Variants in MLXIP observed in about 807,000 individuals in gnomAD.
MLXIP encodes the protein MLX-interacting protein.
MLXIP carries 30 observed loss-of-function variants against 87.2 expected under a neutral mutation model. The observed-to-expected ratio is 0.34, with a 90% CI of 0.26 to 0.47. The LOEUF is 0.47. MLXIP is among the 20% of genes least tolerant of loss of function. The probability of loss-of-function intolerance (pLI) is 1.00; values close to 1 mark genes in which losing one functional copy is unlikely to be tolerated. For missense variants in MLXIP, 1,002 were observed against 1,240.1 expected (o/e 0.81, Z 2.88); for synonymous variants, 530 against 514.0 (o/e 1.03, Z -0.42).
At chr12:122,079,809 C>T (rs756403524) in intron 1 of MLXIP, among the ~76,000 whole-genome samples, 1 of 152,220 alleles carries the variant, frequency 6.6e-6, no homozygotes, top group East Asian at 1.9e-4. Context: ...CAGTGCTTGG[C>T]CAGAGTTAGG....
Position 122,138,429 on chromosome 12 carries a change from T to C in MLXIP, c.2262T>C (p.Ser754=), listed in dbSNP as rs1953134248. 6.2e-7 allele frequency: 1 copy of C among 1,613,682 alleles called. No individual in the cohort carries two copies. Among genetic ancestry groups the C allele is most frequent in the South Asian group, 1.1e-5 (1 of 91,072 alleles). Residue 754 remains serine (S), a synonymous_variant, in exon 14 of 17, where the codon AGT becomes AGC. Coordinates refer to ENST00000319080, the MANE Select transcript of MLXIP (RefSeq NM_014938.6). Reference sequence around the variant, plus strand: ...GCCACCTGCCCCTTCTGCAGACCAGTCACGCCATCACACTGCAGAAGACTG... The same window carrying C: ...GCCACCTGCCCCTTCTGCAGACCAGCCACGCCATCACACTGCAGAAGACTG... ...SLISNNSKLT[S]HAITLQKTVE...
chr12:122,108,930 G>T (rs139397108), intron 1 of MLXIP, among the ~76,000 whole-genome samples: 61 of 152,294 alleles, frequency 4.0e-4, no homozygotes, highest in African/African-American at 1.4e-3. Flanking sequence ...TTGACTTTTA[G>T]TGACTAAACC....
chr12:122,098,317 A>G (rs1227795118), intron 1 of MLXIP, among the ~76,000 whole-genome samples: 2 of 152,178 alleles, frequency 1.3e-5, no homozygotes, highest in Non-Finnish European at 2.9e-5. Flanking sequence ...GCCCTGGGGC[A>G]GCAGCTTTTA....
chr12:122,140,087 G>A (rs549210754), intron 15 of MLXIP, among the ~76,000 whole-genome samples: 32 of 152,292 alleles, frequency 2.1e-4, no homozygotes, highest in Admixed American at 3.9e-4. Flanking sequence ...GCTGGGTGGC[G>A]TCTGGAATGA....
rs1166848965 is a variant in MLXIP at position 122,137,824 on chromosome 12, C to T, written c.2154+234C>T. Among the ~76,000 whole-genome samples the T allele has an allele frequency of 6.6e-5, 10 of 152,228 alleles. No homozygotes were observed. Among genetic ancestry groups the T allele is most frequent in the South Asian group, 2.1e-4 (1 of 4,836 alleles). The stretch of plus-strand genomic sequence containing the variant: ...AGCCTGGGAGCCAACGCTGAGTCCA[C>T]GTAGTGTGCAGGTACTGCTCAGGCT... On this transcript the variant is annotated intron_variant, in intron 12 of 16. Transcript: ENST00000319080. This position sits in a 1 kb window ranked among gnomAD's most constrained non-coding sequence, Gnocchi z 4.1.
At chr12:122,141,249 G>T (rs1215750022) in intron 16 of MLXIP, 166 bp downstream of exon 16, 1 of 552,898 alleles carries the variant, frequency 1.8e-6, no homozygotes, top group African/African-American at 2.0e-5. Flanking sequence ...GCCCAGTGGG[G>T]GCAGGAGGCT....
In MLXIP at chr12:122,133,656, C is replaced by T; in HGVS notation, c.1401C>T (p.Thr467=). 6.2e-7 allele frequency: 1 copy of T among 1,613,606 alleles called. No individual in the cohort carries two copies. The highest frequency in any genetic ancestry group is 8.5e-7 in the Non-Finnish European group (1 of 1,179,784). The change falls in exon 9 of 17, where the codon ACC becomes ACT. Residue 467 remains threonine, a synonymous_variant. Transcript: ENST00000319080. The surrounding 1 kb of genome is among the most constrained non-coding windows in gnomAD (Gnocchi z 4.9). ...CCCTGAACCCCCCGGCTCCACCCACCTTCCATCAGCCACAGAAGTTTGCTG... is the reference window on the plus strand; with the variant it reads ...CCCTGAACCCCCCGGCTCCACCCACTTTCCATCAGCCACAGAAGTTTGCTG... ...ATALNPPAPP[T]FHQPQKFAGV...
intron 15 of MLXIP, 67 bp from the exon 16 acceptor site, chr12:122,140,887 A>G (rs763930071): frequency 6.2e-7 from 1 of 1,613,216 alleles, no homozygotes; most frequent in South Asian, 1.1e-5. Context: ...CGCCAGTCCA[A>G]CCACCTTCGG....
chr12:122,136,688 C>T (rs1265146966), intron 11 of MLXIP: 1 of 152,164 alleles, frequency 6.6e-6, no homozygotes, highest in African/African-American at 2.4e-5. Context: ...TTGTCTCCCT[C>T]TTCCCTCAGG....
intron 1 of MLXIP, among the ~76,000 whole-genome samples, chr12:122,086,080 A>T (rs995823560): frequency 6.6e-6 from 1 of 152,164 alleles, no homozygotes; most frequent in African/African-American, 2.4e-5. Context: ...AGCTTTGAAG[A>T]TGGAGGAAAG....
chr12:122,114,686 C>T (rs993073778), intron 1 of MLXIP, among the ~76,000 whole-genome samples: 1 of 152,028 alleles, frequency 6.6e-6, no homozygotes, highest in African/African-American at 2.4e-5. Context: ...CTAGAATTCA[C>T]CTCCCAGCAG....
intron 1 of MLXIP, among the ~76,000 whole-genome samples, chr12:122,108,105 C>G (rs1952549014): frequency 6.6e-6 from 1 of 152,044 alleles, no homozygotes; most frequent in Non-Finnish European, 1.5e-5. Context: ...AGGGGTGGTT[C>G]ACACCTGTAA....
In MLXIP at chr12:122,142,456, C is replaced by G; in HGVS notation, c.*644C>G. 1 of 394,106 alleles carries G rather than the reference C, an allele frequency of 2.5e-6. No homozygotes were observed. Among genetic ancestry groups the G allele is most frequent in the South Asian group, 1.9e-5 (1 of 51,626 alleles). 24.4% of individuals were successfully genotyped at this position (394,106 alleles called of 1,614,324 possible). A position where few individuals can be genotyped will look rare whatever the true frequency, so the allele number is the denominator to read the frequency against. ...AACGGTGGATGTGGAACACACAGGA[C>G]CAGAATGGAAGCGTGTGATGCACGG... On this transcript the variant is annotated 3_prime_UTR_variant, in exon 17 of 17. Coordinates refer to ENST00000319080, the MANE Select transcript of MLXIP (RefSeq NM_014938.6).
intron 1 of MLXIP, among the ~76,000 whole-genome samples, chr12:122,118,277 C>T (rs1220080446): frequency 1.3e-5 from 2 of 152,078 alleles, no homozygotes; most frequent in African/African-American, 2.4e-5. Context: ...TTTATTTCTG[C>T]AACTTTCCAT....
chr12:122,133,542 C>T lies in MLXIP; in HGVS notation c.1287C>T (p.Leu429=). The T allele has an allele frequency of 6.2e-7, 1 of 1,609,116 alleles. No individual in the cohort carries two copies. The highest frequency in any genetic ancestry group is 8.5e-7 in the Non-Finnish European group (1 of 1,177,904). Residue 429 remains leucine, a synonymous_variant, in exon 9 of 17, where the codon CTC becomes CTT. Transcript: ENST00000319080. The surrounding 1 kb of genome is among the most constrained non-coding windows in gnomAD (Gnocchi z 4.9). ...EPPLSVPQPF[L]PVFTMPLLSP... is the part of the protein sequence containing the mutation. Reference sequence around the variant, plus strand: ...CACTGAGTGTCCCGCAGCCCTTCCTCCCTGTCTTCACCATGCCCCTGCTGT... The same window carrying T: ...CACTGAGTGTCCCGCAGCCCTTCCTTCCTGTCTTCACCATGCCCCTGCTGT...
rs533614788 is a variant in MLXIP at position 122,082,216 on chromosome 12, G to T, written c.413+2950G>T. Among the ~76,000 whole-genome samples, 9 of 152,262 alleles carry T rather than the reference G, an allele frequency of 5.9e-5. No homozygotes were observed. In the East Asian group the frequency reaches 1.7e-3, roughly 29 times the overall value. On this transcript the variant is annotated intron_variant, in intron 1 of 16. Coordinates refer to ENST00000319080, the MANE Select transcript of MLXIP (RefSeq NM_014938.6). ...TGCTGGGTAGGGAACCGTGCAGATG[G>T]GATTCCTTGTCCTTCTCACTCAGTT...
chr12:122,084,144 TTGTGTGTG>T (rs746678463), intron 1 of MLXIP, among the ~76,000 whole-genome samples: 7,355 of 138,048 alleles, frequency 0.053, 207 homozygotes, highest in Middle Eastern at 0.067. Context: ...CTCAGCCAGA[TTGTGTGTG>T]TGTGTGTGTG....
chr12:122,081,053 A>G lies in MLXIP; in HGVS notation c.413+1787A>G, dbSNP rs76323667. On this transcript the variant is annotated intron_variant, in intron 1 of 16. Transcript: ENST00000319080. ...TCTTGTTTGGATAACCTAAAGGCTTATTAAACAACACCAAATAATTTTAGT... is the reference window on the plus strand; with the variant it reads ...TCTTGTTTGGATAACCTAAAGGCTTGTTAAACAACACCAAATAATTTTAGT... 5.5e-3 allele frequency among the ~76,000 whole-genome samples: 836 copies of G among 152,298 alleles called. 3 individuals are homozygous for G. Among genetic ancestry groups the G allele is most frequent in the African/African-American group, 0.019 (787 of 41,556 alleles).
chr12:122,139,076 C>T lies in MLXIP; in HGVS notation c.2508+138C>T, dbSNP rs186272768. On this transcript the variant is annotated intron_variant, in intron 15 of 16. Transcript: ENST00000319080. Reference sequence around the variant, plus strand: ...TCCTCACGACAGGCAGTGCTAGTGTCTATCTCGGGAGAGAGTGGTCCGGCC... The same window carrying T: ...TCCTCACGACAGGCAGTGCTAGTGTTTATCTCGGGAGAGAGTGGTCCGGCC... 557 of 1,350,998 alleles carry T rather than the reference C, an allele frequency of 4.1e-4. 3 individuals are homozygous for T. In the African/African-American group the frequency reaches 7.3e-3, roughly 18 times the overall value. The allele number at this position is 1,350,998 out of a possible 1,614,324, so 83.7% of individuals were successfully genotyped here.
Sources: gnomAD v4.1 joint callset for allele counts (sites outside exome capture counted in the v4.1 genomes callset) on GRCh38, gnomAD v4.1.1 for gene constraint, Gnocchi (gnomAD v3.1) non-coding constraint, MANE v1.5 for transcripts, NCBI Gene and HGNC (gene_info 2026-07-23, HGNC 2026-07-21) for gene names.